The following ANXA4 variants were observed in gnomAD, a reference collection of about 807,000 sequenced individuals.
ANXA4 encodes 35-beta calcimedin.
In ANXA4, 39 loss-of-function variants were observed where a neutral mutation model predicts 49.8. The ratio of observed to expected loss-of-function variants is 0.78; its 90% confidence interval spans 0.61 to 1.02. The LOEUF is 1.02. Ranked by LOEUF, ANXA4 falls within the 50% of genes least tolerant of loss-of-function variation. The pLI is 0.00. For missense variants in ANXA4, 360 were observed against 410.1 expected, an observed-to-expected ratio of 0.88 and a Z score of 1.05; for synonymous variants, 134 against 152.5, an observed-to-expected ratio of 0.88 and a Z score of 0.89.
intron 2 of ANXA4, 77 bp from the exon 3 acceptor site, chr2:69,787,977 C>G (rs1270102956): frequency 1.6e-6 from 2 of 1,288,036 alleles, no homozygotes; most frequent in African/African-American, 2.9e-5. Context: ...CAGTGCTCAA[C>G]AAATGTTTGC....
At chr2:69,702,593 G>A (rs1370281556) in intron 2 of ANXA4, among the ~76,000 whole-genome samples, 2 of 152,008 alleles carry the variant, frequency 1.3e-5, no homozygotes, top group Non-Finnish European at 2.9e-5. Context: ...GTATACCTGT[G>A]GTCTCAGCTA....
At position 69,656,326 on chromosome 2, in the gene ANXA4, T is replaced by TAC. The variant is rs1676471788; in HGVS notation, n.766+3045_766+3046insCA. On this transcript the variant is annotated intron_variant and non_coding_transcript_variant, in intron 2 of 3. Coordinates refer to the ANXA4 transcript ENST00000418066. ...ATATGTATATATGTATATATATGTA[T>TAC]ATATATGTGTATATATATGTGTATA... Among the ~76,000 whole-genome samples the TAC allele has an allele frequency of 5.0e-5, 5 of 100,122 alleles. No homozygotes were observed. The East Asian group carries it at 2.3e-3, about 45-fold the overall frequency. 65.7% of individuals were successfully genotyped at this position (100,122 alleles called of 152,430 possible).
At chr2:69,777,312 C>T (rs1671996133) in intron 1 of ANXA4, among the ~76,000 whole-genome samples, 1 of 152,186 alleles carries the variant, frequency 6.6e-6, no homozygotes, top group African/African-American at 2.4e-5. Context: ...GCCCTTCTCT[C>T]CTCCCCTGAG....
At chr2:69,731,976 C>CTTTTT (rs1349540007) in intron 3 of ANXA4, among the ~76,000 whole-genome samples, 14 of 107,010 alleles carry the variant, frequency 1.3e-4, no homozygotes, top group African/African-American at 5.2e-4. Context: ...ATTTTCTTTT[C>CTTTTT]TTTCTTTTTT....
At chr2:69,674,896 T>C (rs531988386) in intron 2 of ANXA4, among the ~76,000 whole-genome samples, 51 of 152,046 alleles carry the variant, frequency 3.4e-4, no homozygotes, top group East Asian at 2.7e-3. Flanking sequence ...ATTTCAAAAA[T>C]TGTACTCTAA....
intron 2 of ANXA4, among the ~76,000 whole-genome samples, chr2:69,696,998 C>A (rs1363289667): frequency 6.6e-6 from 1 of 152,100 alleles, no homozygotes; most frequent in Non-Finnish European, 1.5e-5. Context: ...TAAATGAGCA[C>A]CATGTTCAAC....
At chr2:69,810,947 G>A (rs567227331) in intron 7 of ANXA4, 1 of 440,120 alleles carries the variant, frequency 2.3e-6, no homozygotes. Flanking sequence ...ATGATTCAGA[G>A]GCAGTTCCTG....
At chr2:69,806,544 C>CT in intron 5 of ANXA4, 46 bp downstream of exon 5, 1 of 1,483,552 alleles carries the variant, frequency 6.7e-7, no homozygotes, top group Admixed American at 1.7e-5. Flanking sequence ...GGTGCAAACG[C>CT]TGATGTGCTT....
rs79339705 is a variant in ANXA4 at position 69,800,777 on chromosome 2, G to C, written c.98-3756G>C. ...CCACAGAAAAGTGTCTTGCAGCAGT[G>C]AAGTGGCCTCGTCTGGGGTGACACC... is the stretch of plus-strand genomic sequence containing the variant. On this transcript the variant is annotated intron_variant, in intron 3 of 12. Transcript: ENST00000394295. 9.7e-4 allele frequency among the ~76,000 whole-genome samples: 148 copies of C among 152,322 alleles called. 4 individuals carry two copies. In the East Asian group the frequency reaches 0.024, roughly 25 times the overall value.
intron 2 of ANXA4, among the ~76,000 whole-genome samples, chr2:69,719,161 A>G (rs570453490): frequency 2.2e-4 from 34 of 151,270 alleles, no homozygotes; most frequent in Non-Finnish European, 3.5e-4. Context: ...TATTTTTAGT[A>G]GAGACAAGGT....
Position 69,806,368 on chromosome 2 carries a change from A to G in ANXA4, c.193-17A>G. The G allele has an allele frequency of 1.3e-6, 2 of 1,582,716 alleles. No homozygotes were observed. Among genetic ancestry groups the G allele is most frequent in the Non-Finnish European group, 1.7e-6 (2 of 1,151,384 alleles). ...TTTGCTATAGCAGTTAAGCGGAGCT[A>G]CTTTCTTGCATTGCAGGACTTGATA... On this transcript the variant is annotated splice_polypyrimidine_tract_variant and intron_variant, in intron 4 of 12. Coordinates refer to ENST00000394295, the MANE Select transcript of ANXA4 (RefSeq NM_001153.5).
At chr2:69,762,098 C>T (rs1044272676) in intron 1 of ANXA4, among the ~76,000 whole-genome samples, 1 of 152,172 alleles carries the variant, frequency 6.6e-6, no homozygotes, top group Non-Finnish European at 1.5e-5. Context: ...GCATCAATTT[C>T]AAAATTTAAA....
At chr2:69,732,802 C>T (rs1366993906) in intron 3 of ANXA4, among the ~76,000 whole-genome samples, 2 of 152,088 alleles carry the variant, frequency 1.3e-5, no homozygotes. Context: ...AAAAGCGGAC[C>T]TTAGTCAAGA....
intron 2 of ANXA4, among the ~76,000 whole-genome samples, chr2:69,690,502 G>C (rs1214852275): frequency 6.6e-6 from 1 of 152,082 alleles, no homozygotes; most frequent in Non-Finnish European, 1.5e-5. Context: ...GCCTCCCAAA[G>C]TGCTGGGATT....
chr2:69,724,095 G>A (rs554772303), intron 3 of ANXA4, among the ~76,000 whole-genome samples: 7 of 152,146 alleles, frequency 4.6e-5, no homozygotes, highest in South Asian at 2.1e-4. Context: ...ACTACAGCCC[G>A]GGCAACAAGA....
chr2:69,823,673 T>C (rs1674341701), intron 12 of ANXA4, among the ~76,000 whole-genome samples: 1 of 152,172 alleles, frequency 6.6e-6, no homozygotes, highest in Non-Finnish European at 1.5e-5. Context: ...ATTAAACTGT[T>C]ATGAAACTTT....
intron 1 of ANXA4, among the ~76,000 whole-genome samples, chr2:69,778,775 C>CAAAAAAAAAA (rs58688910): frequency 2.7e-5 from 1 of 36,552 alleles, no homozygotes; most frequent in Non-Finnish European, 5.2e-5. Flanking sequence ...AACTCTGTCT[C>CAAAAAAAAAA]AAAAAAAAAA....
chr2:69,755,694 ATTC>A (rs1345421311), intron 1 of ANXA4, among the ~76,000 whole-genome samples: 1 of 152,098 alleles, frequency 6.6e-6, no homozygotes, highest in Non-Finnish European at 1.5e-5. Context: ...TGCTTTTGTT[ATTC>A]TTCTATCTCC....
chr2:69,731,605 G>A (rs533800557), intron 3 of ANXA4, among the ~76,000 whole-genome samples: 3 of 151,710 alleles, frequency 2.0e-5, no homozygotes, highest in Admixed American at 6.5e-5. Flanking sequence ...TTGAATATGA[G>A]CTGCGGCTCA....
Sources: allele counts gnomAD v4.1 joint callset (sites outside exome capture counted in the v4.1 genomes callset), GRCh38; gene constraint gnomAD v4.1.1; transcripts MANE v1.5; gene names NCBI Gene and HGNC (gene_info 2026-07-23, HGNC 2026-07-21).